Variants in RFX8 observed in about 807,000 individuals in gnomAD.
The protein encoded by RFX8 is DNA-binding protein RFX8.
Under a neutral mutation model 54.6 loss-of-function variants are expected in RFX8, and 46 were observed. The ratio of observed to expected loss-of-function variants is 0.84; its 90% CI spans 0.67 to 1.08. The LOEUF (loss-of-function observed/expected upper bound fraction) is 1.08, where lower values mean the gene tolerates loss of function less well. Among genes scored for constraint, RFX8 ranks in the 50% least tolerant of loss-of-function variants. The pLI is 0.00. For synonymous variants in RFX8, 192 were observed against 209.5 expected (o/e 0.92, Z 0.72); for missense variants, 536 against 562.3 (o/e 0.95, Z 0.47).
intron 11 of RFX8, among the ~76,000 whole-genome samples, chr2:101,401,385 A>C (rs1437206529): frequency 6.6e-6 from 1 of 152,124 alleles, no homozygotes; most frequent in African/African-American, 2.4e-5. Context: ...TCAAGAAGGA[A>C]AGGGCCCTGG....
intron 2 of RFX8, among the ~76,000 whole-genome samples, chr2:101,444,733 A>G (rs2148963189): frequency 6.6e-6 from 1 of 152,384 alleles, no homozygotes; most frequent in East Asian, 1.9e-4. Context: ...AGTAAAAATA[A>G]TATATGAATA....
At chr2:101,427,365 G>A (rs1687235441) in intron 2 of RFX8, among the ~76,000 whole-genome samples, 1 of 152,176 alleles carries the variant, frequency 6.6e-6, no homozygotes, top group Admixed American at 6.5e-5. Flanking sequence ...CCAGCTGCAG[G>A]GAGCCAGAGA....
intron 6 of RFX8, among the ~76,000 whole-genome samples, 182 bp downstream of exon 6, chr2:101,417,352 G>C (rs1301423495): frequency 6.7e-6 from 1 of 149,480 alleles, no homozygotes; most frequent in Non-Finnish European, 1.5e-5. Context: ...CCACAGGTGT[G>C]TGCCACCACA....
At chr2:101,470,848 T>C (rs891774228) in intron 1 of RFX8, among the ~76,000 whole-genome samples, 1 of 149,868 alleles carries the variant, frequency 6.7e-6, no homozygotes, top group Admixed American at 6.7e-5. Flanking sequence ...GCCTCCCAAG[T>C]AGCTGGGACT....
At chr2:101,419,838 A>G (rs1686758459) in intron 4 of RFX8, among the ~76,000 whole-genome samples, 1 of 152,232 alleles carries the variant, frequency 6.6e-6, no homozygotes, top group African/African-American at 2.4e-5. Flanking sequence ...TCTGAAAAAT[A>G]CAACACAGGG....
chr2:101,445,057 T>G (rs1290723225), intron 2 of RFX8, among the ~76,000 whole-genome samples: 1 of 152,184 alleles, frequency 6.6e-6, no homozygotes, highest in East Asian at 1.9e-4. Flanking sequence ...TGCTGCTTCT[T>G]GGGAGAATTA....
intron 2 of RFX8, among the ~76,000 whole-genome samples, chr2:101,441,651 C>G (rs1188474513): frequency 2.0e-5 from 3 of 152,120 alleles, no homozygotes; most frequent in Non-Finnish European, 4.4e-5. Flanking sequence ...AAGTCAGTCC[C>G]TTTTTGTCCC....
At position 101,443,246 on chromosome 2, in the gene RFX8, C is replaced by T. The variant is rs186458146; in HGVS notation, c.73-20774G>A. ...AGCTCACTCTCTTATCACCACCTTT[C>T]GGAGTTTTCCTTTGGTTGCCTCTTG... On this transcript the variant is annotated intron_variant, in intron 2 of 11. Transcript: ENST00000428343. Among the ~76,000 whole-genome samples the T allele has an allele frequency of 4.1e-4, 63 of 152,214 alleles. 2 individuals carry two copies. The East Asian group carries it at 6.2e-3, about 15-fold the overall frequency.
At chr2:101,428,919 G>A in intron 2 of RFX8, 1 of 1,277,218 alleles carries the variant, frequency 7.8e-7, no homozygotes, top group Non-Finnish European at 1.1e-6. Context: ...TGCTAGGTCT[G>A]GGTCTGTTAT....
chr2:101,397,511 C>A lies in RFX8; in HGVS notation c.*37G>T. 1 of 1,358,040 alleles carries A rather than the reference C, an allele frequency of 7.4e-7. No individual in the cohort carries two copies. Among genetic ancestry groups the A allele is most frequent in the South Asian group, 1.5e-5 (1 of 68,792 alleles). The allele number at this position is 1,358,040 out of a possible 1,614,324, so 84.1% of individuals were successfully genotyped here. On this transcript the variant is annotated 3_prime_UTR_variant, in exon 12 of 12. Coordinates refer to ENST00000428343, the MANE Select transcript of RFX8 (RefSeq NM_001145664.2). ...ATTTAATATTTTTAAGAATGCAAGT[C>A]TATCAGTTTTCTTATTCTCTATTCA...
chr2:101,417,635 T>C lies in RFX8; in HGVS notation c.401A>G (p.Gln134Arg). The change falls in exon 6 of 12, where the codon CAG becomes CGG. Residue 134 changes from glutamine to arginine, a missense_variant. Physicochemically the swap from Gln to Arg is conservative, Grantham distance 43. Transcript: ENST00000428343. ...LHDFLEDVSI[Q>R]YLKSVQLFSK... is the part of the protein sequence containing the mutation. ...AAATAACTGCACAGATTTCAGGTACTGAATAGAAACATCTTCCAAGAAGTC... is the reference window on the plus strand; with the variant it reads ...AAATAACTGCACAGATTTCAGGTACCGAATAGAAACATCTTCCAAGAAGTC... 1 of 1,551,058 alleles carries C rather than the reference T, an allele frequency of 6.4e-7. No homozygotes were observed. The highest frequency in any genetic ancestry group is 8.7e-7 in the Non-Finnish European group (1 of 1,146,648).
intron 2 of RFX8, chr2:101,452,385 CT>C: frequency 7.0e-7 from 1 of 1,424,196 alleles, no homozygotes; most frequent in Non-Finnish European, 9.2e-7. Flanking sequence ...CTAAACCTAC[CT>C]GGCACTTCCT....
chr2:101,415,986 C>T (rs983781854), intron 6 of RFX8, among the ~76,000 whole-genome samples: 1 of 152,198 alleles, frequency 6.6e-6, no homozygotes, highest in African/African-American at 2.4e-5. Flanking sequence ...TTTCTGGGGA[C>T]AGCCTGTCTA....
chr2:101,426,344 T>A (rs1558859247), intron 2 of RFX8, among the ~76,000 whole-genome samples: 5 of 149,296 alleles, frequency 3.3e-5, no homozygotes, highest in African/African-American at 1.2e-4. Context: ...TACAAAAAAT[T>A]AAAAAAAAAC....
At chr2:101,421,887 A>G (rs977528061) in intron 3 of RFX8, 110 bp from the exon 4 acceptor site, 7 of 778,892 alleles carry the variant, frequency 9.0e-6, no homozygotes, top group African/African-American at 5.3e-5. Context: ...CAATTCTCAA[A>G]TGACAATAGC....
At chr2:101,409,853 A>G (rs1685994423) in intron 9 of RFX8, among the ~76,000 whole-genome samples, 1 of 151,984 alleles carries the variant, frequency 6.6e-6, no homozygotes, top group South Asian at 2.1e-4. Flanking sequence ...CCCTGAGCCC[A>G]TGGAGTGAAG....
intron 2 of RFX8, among the ~76,000 whole-genome samples, chr2:101,462,538 T>C (rs1468686146): frequency 6.6e-6 from 1 of 152,228 alleles, no homozygotes; most frequent in Non-Finnish European, 1.5e-5. Flanking sequence ...ATGTTTATGA[T>C]ATTTGAGGCA....
chr2:101,470,468 G>C (rs1689914400), intron 1 of RFX8, among the ~76,000 whole-genome samples: 1 of 152,108 alleles, frequency 6.6e-6, no homozygotes, highest in Admixed American at 6.5e-5. Context: ...CCACCAAAAT[G>C]TCCTTTGGTG....
At chr2:101,474,507 C>G (rs1455063116) in intron 1 of RFX8, 129 bp downstream of exon 1, 3 of 334,374 alleles carry the variant, frequency 9.0e-6, no homozygotes, top group Non-Finnish European at 1.6e-5. Flanking sequence ...CGCGCCCCGC[C>G]GAGGATGCGC....
Sources: gnomAD v4.1 joint callset for allele counts (sites outside exome capture counted in the v4.1 genomes callset) on GRCh38, gnomAD v4.1.1 for gene constraint, MANE v1.5 for transcripts, NCBI Gene and HGNC (gene_info 2026-07-23, HGNC 2026-07-21) for gene names.